FOXP2: variants seen among roughly 807,000 people sequenced by gnomAD.
FOXP2 encodes the protein forkhead box protein P2.
A neutral mutation model predicts 115.8 loss-of-function variants in FOXP2; 12 were observed. That is an observed-to-expected ratio of 0.10 (90% CI 0.07 to 0.17). FOXP2 has a LOEUF of 0.17. FOXP2 is among the 10% of genes least tolerant of loss of function. FOXP2 has a pLI of 1.00. For missense variants in FOXP2, 629 were observed against 843.5 expected (o/e 0.75, Z 3.15); for synonymous variants, 328 against 297.7 (o/e 1.10, Z -1.05).
In FOXP2 at chr7:114,663,469, A is replaced by C. The variant is rs766476648; in HGVS notation, c.1789A>C (p.Asn597His). 14 of 1,611,866 alleles carry C rather than the reference A, an allele frequency of 8.7e-6. No individual in the cohort carries two copies. In the South Asian group the frequency reaches 1.3e-4, roughly 15 times the overall value. The part of the protein sequence containing the change: ...KITGSPTLVK[N>H]IPTSLGYGAA... ...TTTCAGAAGTCCAACCTTAGTAAAA[A>C]ATATACCTACCAGTTTAGGCTATGG... Residue 597 changes from asparagine to histidine, a missense_variant, in exon 15 of 17, where the codon AAT (asparagine) becomes CAT (histidine). Physicochemically the swap from Asn to His is moderately conservative, Grantham distance 68. Transcript: ENST00000350908.
intron 2 of FOXP2, among the ~76,000 whole-genome samples, chr7:114,475,831 C>G (rs1220065883): frequency 6.6e-6 from 1 of 151,536 alleles, no homozygotes; most frequent in East Asian, 1.9e-4. Context: ...CTATATCTAT[C>G]TAAATAGATA....
At chr7:114,255,496 GC>G (rs1034107043) in intron 1 of FOXP2, among the ~76,000 whole-genome samples, 19 of 152,292 alleles carry the variant, frequency 1.2e-4, no homozygotes, top group African/African-American at 4.3e-4. Context: ...AACTGCGGGG[GC>G]GCCCGTCCCT....
At chr7:114,644,337 A>C (rs1293084521) in intron 7 of FOXP2, among the ~76,000 whole-genome samples, 2 of 152,196 alleles carry the variant, frequency 1.3e-5, no homozygotes. Context: ...ATTCTCTTGA[A>C]AATAAAGGTT....
intron 16 of FOXP2, chr7:114,665,116 A>C (rs1585008451): frequency 6.6e-6 from 1 of 152,260 alleles, no homozygotes. Flanking sequence ...AGAGAGTAGA[A>C]GTATTAAAAA....
intron 16 of FOXP2, among the ~76,000 whole-genome samples, chr7:114,680,980 G>GT (rs1367815475): frequency 1.3e-5 from 2 of 152,130 alleles, no homozygotes; most frequent in African/African-American, 2.4e-5. Context: ...GAATACATGT[G>GT]TTTTAATACT....
intron 2 of FOXP2, among the ~76,000 whole-genome samples, chr7:114,291,370 C>T (rs1033148315): frequency 5.3e-5 from 8 of 151,726 alleles, no homozygotes; most frequent in South Asian, 4.2e-4. Flanking sequence ...CATCACATTG[C>T]GGGGTAGGAT....
Position 114,291,989 on chromosome 7 carries a change from T to TATATTATAGATAATATATAGAATAC in FOXP2, c.-11+3901_-11+3902insATACATATTATAGATAATATATAGA, listed in dbSNP as rs1796614961. On this transcript the variant is annotated intron_variant, in intron 2 of 17. Transcript: ENST00000634411. ...TATATTATAGATAATATATAGAATA[T>TATATTATAGATAATATATAGAATAC]ATATTATAGATAATATATAGATATA... Among the ~76,000 whole-genome samples the TATATTATAGATAATATATAGAATAC allele has an allele frequency of 7.6e-5, 10 of 130,764 alleles. 3 individuals carry two copies. The highest frequency in any genetic ancestry group is 3.5e-4 in the African/African-American group (10 of 28,718). The allele number at this position is 130,764 out of a possible 152,430, so 85.8% of individuals were successfully genotyped here. A position where few individuals can be genotyped will look rare whatever the true frequency, so the allele number is the denominator to read the frequency against.
intron 3 of FOXP2, among the ~76,000 whole-genome samples, chr7:114,593,108 T>C (rs1306916196): frequency 6.6e-6 from 1 of 151,982 alleles, no homozygotes; most frequent in African/African-American, 2.4e-5. Context: ...CAGTTGTTTT[T>C]TAAAAAAAGA....
At chr7:114,500,673 C>T (rs1195232683) in intron 2 of FOXP2, among the ~76,000 whole-genome samples, 2 of 152,032 alleles carry the variant, frequency 1.3e-5, no homozygotes, top group Non-Finnish European at 2.9e-5. Context: ...GACTACTTGC[C>T]CAAAGTAATA....
At chr7:114,244,667 A>G (rs557726780) in intron 1 of FOXP2, among the ~76,000 whole-genome samples, 1 of 152,300 alleles carries the variant, frequency 6.6e-6, no homozygotes, top group African/African-American at 2.4e-5. Context: ...TTATTCTTAT[A>G]AAGTTGATAT....
intron 1 of FOXP2, among the ~76,000 whole-genome samples, chr7:114,230,975 T>TACACACACAC (rs3086371): frequency 1.4e-5 from 2 of 147,134 alleles, no homozygotes; most frequent in African/African-American, 5.0e-5. Flanking sequence ...CCCTAAAGAT[T>TACACACACAC]ACACACACAC....
intron 2 of FOXP2, among the ~76,000 whole-genome samples, chr7:114,331,994 C>T (rs1445584665): frequency 1.3e-5 from 2 of 152,048 alleles, no homozygotes; most frequent in African/African-American, 2.4e-5. Context: ...CAAATGACAA[C>T]TCTGTATTGA....
At chr7:114,116,418 A>C (rs578000978) in intron 1 of FOXP2, among the ~76,000 whole-genome samples, 1 of 152,318 alleles carries the variant, frequency 6.6e-6, no homozygotes, top group South Asian at 2.1e-4. Context: ...CAAAATAATA[A>C]TAAATGGAAT....
intron 3 of FOXP2, chr7:114,538,224 T>A (rs78027924): frequency 0.09 from 73,960 of 822,586 alleles, 3,917 homozygotes; most frequent in South Asian, 0.15. Context: ...TTTAAAAAAA[T>A]TTTTGTAAAA....
chr7:114,177,200 T>C (rs528836715), intron 1 of FOXP2, among the ~76,000 whole-genome samples: 1 of 152,298 alleles, frequency 6.6e-6, no homozygotes, highest in East Asian at 1.9e-4. Context: ...CCTGTGTACC[T>C]AGGAGTAGAA....
chr7:114,375,931 GT>G (rs56186125), intron 2 of FOXP2, among the ~76,000 whole-genome samples: 122,220 of 152,064 alleles, frequency 0.8, 50,070 homozygotes, highest in Non-Finnish European at 0.9. Flanking sequence ...GAATAACAAA[GT>G]TACATTGCAA....
intron 3 of FOXP2, among the ~76,000 whole-genome samples, chr7:114,568,485 A>C (rs1030531459): frequency 4.0e-5 from 6 of 150,712 alleles, no homozygotes; most frequent in Non-Finnish European, 7.4e-5. Context: ...TGTCAAGGTT[A>C]TCGTTTCGTT....
chr7:114,216,536 A>G (rs1794489171), intron 1 of FOXP2, among the ~76,000 whole-genome samples: 1 of 152,120 alleles, frequency 6.6e-6, no homozygotes, highest in African/African-American at 2.4e-5. Context: ...TATATTGTAT[A>G]TGTAATATAT....
At chr7:114,299,019 T>G (rs1376820427) in intron 2 of FOXP2, among the ~76,000 whole-genome samples, 7 of 152,204 alleles carry the variant, frequency 4.6e-5, no homozygotes, top group Admixed American at 4.6e-4. Context: ...TTGTTTCATA[T>G]ACTTTAAAAT....
Sources: allele counts gnomAD v4.1 joint callset (sites outside exome capture counted in the v4.1 genomes callset), GRCh38; gene constraint gnomAD v4.1.1; transcripts MANE v1.5; gene names NCBI Gene and HGNC (gene_info 2026-07-23, HGNC 2026-07-21).